CYP7A1: variants seen among roughly 807,000 people sequenced by gnomAD.
CYP7A1 encodes cytochrome P450 7A1.
Under a neutral mutation model 43.8 loss-of-function variants are expected in CYP7A1, and 28 were observed. The observed-to-expected ratio is 0.64, with a 90% confidence interval of 0.47 to 0.88. CYP7A1 has a LOEUF of 0.88. Ranked by LOEUF, CYP7A1 falls within the 40% of genes least tolerant of loss-of-function variation. CYP7A1 has a pLI of 0.00. For synonymous variants in CYP7A1, 227 were observed against 222.5 expected, an observed-to-expected ratio of 1.02 and a Z score of -0.18; for missense variants, 637 against 611.9, an observed-to-expected ratio of 1.04 and a Z score of -0.43.
At chr8:58,497,880 C>T (rs1457043) in intron 2 of CYP7A1, among the ~76,000 whole-genome samples, 81,835 of 152,006 alleles carry the variant, frequency 0.54, 22,541 homozygotes, top group Admixed American at 0.66. Flanking sequence ...GAGACAACTG[C>T]TGAATGTTAG....
At chr8:58,496,052 C>T (rs1202506548) in intron 3 of CYP7A1, among the ~76,000 whole-genome samples, 1 of 152,132 alleles carries the variant, frequency 6.6e-6, no homozygotes, top group African/African-American at 2.4e-5. Flanking sequence ...CACAACCTAG[C>T]TAAGTCTCTT....
rs1809363591 is a variant in CYP7A1, at chr8:58,492,339, G to A, written c.1215+14C>T. 1 of 1,603,324 alleles carries A rather than the reference G, an allele frequency of 6.2e-7. No individual in the cohort carries two copies. Among genetic ancestry groups the A allele is most frequent in the Admixed American group, 1.7e-5 (1 of 59,986 alleles). On this transcript the variant is annotated intron_variant, in intron 5 of 5. Coordinates refer to ENST00000301645, the MANE Select transcript of CYP7A1 (RefSeq NM_000780.4). ...TATCACCTGGATATTGAATTTCAAT[G>A]GGCAGGCACTTACCAAAGGGTCTGG...
At chr8:58,498,547 C>A (rs1809484502) in intron 1 of CYP7A1, 78 bp from the exon 2 acceptor site, 2 of 1,522,558 alleles carry the variant, frequency 1.3e-6, no homozygotes, top group African/African-American at 1.4e-5. Context: ...TAAAATTTTT[C>A]CCACTGACTT....
Position 58,497,139 on chromosome 8 carries a change from T to G in CYP7A1, c.373A>C (p.Ile125Leu). The G allele has an allele frequency of 1.3e-6, 2 of 1,599,812 alleles. No individual in the cohort carries two copies. The highest frequency in any genetic ancestry group is 1.7e-6 in the Non-Finnish European group (2 of 1,179,948). Reference sequence around the variant, plus strand: ...AGGGTTTTGATGAAAGTGTCGTTTATGTTTTCAGTGGTATTTCCATCCATC... The same window carrying G: ...AGGGTTTTGATGAAAGTGTCGTTTAGGTTTTCAGTGGTATTTCCATCCATC... ...DPMDGNTTEN[I>L]NDTFIKTLQG... The change falls in exon 3 of 6, where the codon ATA (isoleucine) becomes CTA (leucine). Residue 125 changes from isoleucine (I) to leucine (L), a missense_variant. Transcript: ENST00000301645.
chr8:58,495,215 T>TTCTTTTTATTTATTTATTTATTTA (rs369276545), intron 3 of CYP7A1, among the ~76,000 whole-genome samples: 1 of 143,404 alleles, frequency 7.0e-6, no homozygotes, highest in Admixed American at 7.0e-5. Context: ...TTTATTTTAT[T>TTCTTTTTATTTATTTATTTATTTA]TTTATTTATT....
chr8:58,496,741 G>T lies in CYP7A1; in HGVS notation c.771C>A (p.Ile257=). 1 of 1,614,196 alleles carries T rather than the reference G, an allele frequency of 6.2e-7. No individual in the cohort carries two copies. Among genetic ancestry groups the T allele is most frequent in the South Asian group, 1.1e-5 (1 of 91,086 alleles). The part of the protein sequence containing the change: ...LQKRESISEL[I]SLRMFLNDTL... ...TGTCATTGAGAAACATGCGCAGGCTGATCAGTTCTGAGATGCTTTCCCTCT... is the reference window on the plus strand; with the variant it reads ...TGTCATTGAGAAACATGCGCAGGCTTATCAGTTCTGAGATGCTTTCCCTCT... The change falls in exon 3 of 6, where the codon ATC becomes ATA. Residue 257 remains isoleucine (I), a synonymous_variant. Coordinates refer to ENST00000301645, the MANE Select transcript of CYP7A1 (RefSeq NM_000780.4).
Position 58,491,505 on chromosome 8 carries a change from A to G in CYP7A1, c.1485T>C (p.Ile495=), listed in dbSNP as rs757599711. 4 of 1,614,046 alleles carry G rather than the reference A, an allele frequency of 2.5e-6. No individual in the cohort carries two copies. The African/African-American group carries it at 4.0e-5, about 16-fold the overall frequency. Reference sequence around the variant, plus strand: ...AATGCTTGAATTTATATTTAAATTCAATATCATTCAATGGCGGCAAAATGC... The same window carrying G: ...AATGCTTGAATTTATATTTAAATTCGATATCATTCAATGGCGGCAAAATGC... ...GLGILPPLND[I]EFKYKFKHL is the part of the protein sequence containing the mutation. The change falls in exon 6 of 6, where the codon ATT becomes ATC. Residue 495 remains isoleucine (I), a synonymous_variant. Coordinates refer to ENST00000301645, the MANE Select transcript of CYP7A1 (RefSeq NM_000780.4).
At chr8:58,498,012 G>A (rs531576336) in intron 2 of CYP7A1, among the ~76,000 whole-genome samples, 23 of 152,236 alleles carry the variant, frequency 1.5e-4, no homozygotes, top group East Asian at 3.9e-4. Context: ...TCATTAGCTC[G>A]TCAACAAATG....
Position 58,491,606 on chromosome 8 carries a change from G to A in CYP7A1, c.1384C>T (p.Leu462Phe), listed in dbSNP as rs779580378. Residue 462 changes from leucine (L) to phenylalanine (F), a missense_variant, in exon 6 of 6, where the codon CTT becomes TTT. Leu to Phe is a conservative substitution (Grantham distance 22). Coordinates refer to ENST00000301645, the MANE Select transcript of CYP7A1 (RefSeq NM_000780.4). ...HEIKQFLILM[L>F]SYFELELIEG... is the part of the protein sequence containing the mutation. ...ATAAGCTCCAATTCAAAATAAGAAA[G>A]CATCAGAATCAAAAATTGCTTGATT... The A allele has an allele frequency of 1.2e-6, 2 of 1,614,144 alleles. No individual in the cohort carries two copies. The highest frequency in any genetic ancestry group is 1.7e-5 in the Admixed American group (1 of 60,016).
intron 5 of CYP7A1, 94 bp from the exon 6 acceptor site, chr8:58,491,868 T>C: frequency 9.3e-7 from 1 of 1,072,594 alleles, no homozygotes; most frequent in Non-Finnish European, 1.4e-6. Context: ...TAATTTTCTT[T>C]TTAATTCTAC....
chr8:58,496,866 A>T lies in CYP7A1; in HGVS notation c.646T>A (p.Phe216Ile). The T allele has an allele frequency of 6.2e-7, 1 of 1,614,238 alleles. No homozygotes were observed. Among genetic ancestry groups the T allele is most frequent in the Non-Finnish European group, 8.5e-7 (1 of 1,180,040 alleles). ...GGGAGGCCTGCTACCAGGGCTGGAA[A>T]GACTTTGTCGAATTGCTTGAAGTTG... ...LDNFKQFDKV[F>I]PALVAGLPIH... The change falls in exon 3 of 6, where the codon TTT becomes ATT. Residue 216 changes from phenylalanine to isoleucine, a missense_variant. Transcript: ENST00000301645.
chr8:58,496,929 G>A lies in CYP7A1; in HGVS notation c.583C>T (p.Arg195Trp), dbSNP rs771901033. The change falls in exon 3 of 6, where the codon CGG becomes TGG. Residue 195 changes from arginine to tryptophan, a missense_variant. Arg to Trp is a moderately radical substitution (Grantham distance 101). Transcript: ENST00000301645. ...LTIFGRDLTR[R>W]DTQKAHILNN... ...AGAATATGTGCTTTCTGTGTGTCCC[G>A]CCTTGTAAGATCTCTGCCAAAGATA... 40 of 1,614,034 alleles carry A rather than the reference G, an allele frequency of 2.5e-5. No homozygotes were observed. The highest frequency in any genetic ancestry group is 9.9e-5 in the South Asian group (9 of 91,090).
chr8:58,496,778 T>C lies in CYP7A1; in HGVS notation c.734A>G (p.Glu245Gly). The change falls in exon 3 of 6, where the codon GAG becomes GGG. Residue 245 changes from glutamate to glycine, a missense_variant. By Grantham distance (98) the Glu-to-Gly change is moderately conservative (BLOSUM62 -2). Transcript: ENST00000301645. ...REKLAESLRHENLQKRESISE... is the reference protein window; with the variant it reads ...REKLAESLRHGNLQKRESISE... ...GATGCTTTCCCTCTTTTGGAGGTTCTCGTGCCTCAAGCTCTCTGCCAGTTT... is the reference window on the plus strand; with the variant it reads ...GATGCTTTCCCTCTTTTGGAGGTTCCCGTGCCTCAAGCTCTCTGCCAGTTT... 6.2e-7 allele frequency: 1 copy of C among 1,614,214 alleles called. No individual in the cohort carries two copies. Among genetic ancestry groups the C allele is most frequent in the South Asian group, 1.1e-5 (1 of 91,086 alleles).
chr8:58,491,661 T>C lies in CYP7A1; in HGVS notation c.1329A>G (p.Ile443Met). 6.2e-7 allele frequency: 1 copy of C among 1,614,112 alleles called. No homozygotes were observed. Residue 443 changes from isoleucine to methionine, a missense_variant, in exon 6 of 6, where the codon ATA becomes ATG. Ile to Met is a conservative substitution (Grantham distance 10). Transcript: ENST00000301645. ...YYMPFGSGAT[I>M]CPGRLFAIHE... ...GGATAGCGAACAATCTTCCAGGACATATTGTAGCTCCCGATCCAAAGGGCA... is the reference window on the plus strand; with the variant it reads ...GGATAGCGAACAATCTTCCAGGACACATTGTAGCTCCCGATCCAAAGGGCA...
In CYP7A1 at chr8:58,491,287, G is replaced by C; in HGVS notation, c.*188C>G. 1 of 610,354 alleles carries C rather than the reference G, an allele frequency of 1.6e-6. No individual in the cohort carries two copies. Among genetic ancestry groups the C allele is most frequent in the South Asian group, 2.1e-5 (1 of 48,760 alleles). 37.8% of individuals were successfully genotyped at this position (610,354 alleles called of 1,614,324 possible). A position where few individuals can be genotyped will look rare whatever the true frequency, so the allele number is the denominator to read the frequency against. The stretch of plus-strand genomic sequence containing the variant: ...TAGAAACTAGTTCTTTTCACTAGCA[G>C]AGTCTGTGATAGCATCTGGAAACTG... On this transcript the variant is annotated 3_prime_UTR_variant, in exon 6 of 6. Coordinates refer to ENST00000301645, the MANE Select transcript of CYP7A1 (RefSeq NM_000780.4).
intron 3 of CYP7A1, 67 bp from the exon 4 acceptor site, chr8:58,494,703 A>C: frequency 5.4e-6 from 8 of 1,468,288 alleles, no homozygotes; most frequent in Non-Finnish European, 6.6e-6. Flanking sequence ...TGAGATCTGC[A>C]AACAAATAGG....
rs750877978 is a variant in CYP7A1 at position 58,494,585 on chromosome 8, CT to C, written c.959del (p.Glu320GlyfsTer16). ...AATEEVKRTL[E>X]NAGQKVSLEG... ...CCAAGCTGACTTTTTGACCAGCATT[CT>C]CTAATGTTCTTTTCACTTCTTCAGT... On this transcript the variant is annotated frameshift_variant, in exon 4 of 6. Transcript: ENST00000301645. LOFTEE classifies it high-confidence loss of function. 5 of 1,613,962 alleles carry C rather than the reference CT, an allele frequency of 3.1e-6. No individual in the cohort carries two copies. The African/African-American group carries it at 6.7e-5, about 22-fold the overall frequency.
rs528732489 is a variant in CYP7A1 at position 58,496,661 on chromosome 8, C to T, written c.851G>A (p.Trp284Ter). The part of the protein sequence containing the change: ...EKAKTHLVVL[W>*]ASQANTIPAT... ...TGGAATGGTGTTTGCTTGCGATGCCCAGAGGACCACGAGGTGTGTCTTGGC... is the reference window on the plus strand; with the variant it reads ...TGGAATGGTGTTTGCTTGCGATGCCTAGAGGACCACGAGGTGTGTCTTGGC... Residue 284 changes from tryptophan to a stop codon, truncating the protein, a stop_gained, in exon 3 of 6, where the codon TGG (tryptophan) becomes TAG (stop). Transcript: ENST00000301645. LOFTEE classifies it high-confidence loss of function. 1 of 1,614,194 alleles carries T rather than the reference C, an allele frequency of 6.2e-7. No individual in the cohort carries two copies. The highest frequency in any genetic ancestry group is 1.1e-5 in the South Asian group (1 of 91,082).
Sources: gnomAD v4.1 joint callset for allele counts (sites outside exome capture counted in the v4.1 genomes callset) on GRCh38, gnomAD v4.1.1 for gene constraint, MANE v1.5 for transcripts, NCBI Gene and HGNC (gene_info 2026-07-23, HGNC 2026-07-21) for gene names.